The following XRRA1 variants were observed in gnomAD, a reference collection of about 807,000 sequenced individuals.
XRRA1 encodes X-ray radiation resistance associated 1, also known as X-ray radiation resistance-associated protein 1.
A neutral mutation model predicts 80.2 loss-of-function variants in XRRA1; 69 were observed. The observed-to-expected ratio is 0.86, with a 90% confidence interval of 0.71 to 1.05. The LOEUF (loss-of-function observed/expected upper bound fraction) is 1.05, where lower values mean the gene tolerates loss of function less well. XRRA1 is among the 50% of genes least tolerant of loss of function. XRRA1 has a pLI of 0.00. For synonymous variants in XRRA1, 348 were observed against 389.9 expected, an observed-to-expected ratio of 0.89 and a Z score of 1.27; for missense variants, 967 against 976.4, an observed-to-expected ratio of 0.99 and a Z score of 0.13.
At position 74,848,339 on chromosome 11, in the gene XRRA1, G is replaced by T. The variant is rs771635204; in HGVS notation, c.1504C>A (p.Pro502Thr). The change falls in exon 15 of 19, where the codon CCC (proline) becomes ACC (threonine). Residue 502 changes from proline to threonine, a missense_variant. Coordinates refer to ENST00000684022, the MANE Select transcript of XRRA1 (RefSeq NM_001378157.1). ...TCCACAGAAGTGCTTTTGGTAGTGG[G>T]CAGATCTTCAGCCAGCTCTGCCTCT... ...EPEAELAEDL[P>T]TTKSTSVESE... 9.9e-6 allele frequency: 16 copies of T among 1,613,734 alleles called. No homozygotes were observed. Among genetic ancestry groups the T allele is most frequent in the African/African-American group, 1.3e-5 (1 of 74,916 alleles).
chr11:74,930,973 T>C (rs1201826604), intron 5 of XRRA1, among the ~76,000 whole-genome samples: 1 of 151,954 alleles, frequency 6.6e-6, no homozygotes, highest in African/African-American at 2.4e-5. Context: ...ACTGGCTAAT[T>C]TTTTTGTATT....
chr11:74,844,963 G>A, intron 16 of XRRA1, 110 bp downstream of exon 16: 1 of 1,078,004 alleles, frequency 9.3e-7, no homozygotes, highest in African/African-American at 1.6e-5. Context: ...ACAGAGGACA[G>A]CACCCTAGTT....
In XRRA1 at chr11:74,937,020, G is replaced by A. The variant is rs200364213; in HGVS notation, c.143C>T (p.Pro48Leu). 1.2e-6 allele frequency: 2 copies of A among 1,613,796 alleles called. No individual in the cohort carries two copies. The highest frequency in any genetic ancestry group is 1.7e-6 in the Non-Finnish European group (2 of 1,179,864). The change falls in exon 4 of 19, where the codon CCC (proline) becomes CTC (leucine). Residue 48 changes from proline to leucine, a missense_variant. Coordinates refer to ENST00000684022, the MANE Select transcript of XRRA1 (RefSeq NM_001378157.1). ...VVQKGNLKKK[P>L]KGLVGAQAER... ...AGCTTGTGCTCCAACCAAACCCTTG[G>A]GCTTCTTCTTGAGGTTACCTTTCTG...
At position 74,843,262 on chromosome 11, in the gene XRRA1, G is replaced by A; in HGVS notation, c.2341C>T (p.His781Tyr). ...ALSESQPKFG[H>Y]FLEFMDEFCQ... The stretch of plus-strand genomic sequence containing the variant: ...AACTCATCCATGAACTCGAGGAAGT[G>A]GCCGAACTTGGGCTGGCTCTCACTC... The change falls in exon 19 of 19, where the codon CAC becomes TAC. Residue 781 changes from histidine to tyrosine, a missense_variant. His to Tyr is a moderately conservative substitution (Grantham distance 83, BLOSUM62 2). Coordinates refer to ENST00000684022, the MANE Select transcript of XRRA1 (RefSeq NM_001378157.1). 6.3e-7 allele frequency: 1 copy of A among 1,574,828 alleles called. No individual in the cohort carries two copies. The highest frequency in any genetic ancestry group is 8.6e-7 in the Non-Finnish European group (1 of 1,160,326).
At chr11:74,874,264 A>G (rs568560104) in intron 10 of XRRA1, among the ~76,000 whole-genome samples, 2 of 136,502 alleles carry the variant, frequency 1.5e-5, no homozygotes, top group African/African-American at 5.6e-5. Flanking sequence ...AAAAAAAAAG[A>G]AAGAAACTCA....
At chr11:74,899,641 A>G (rs2053161691) in intron 10 of XRRA1, among the ~76,000 whole-genome samples, 1 of 152,234 alleles carries the variant, frequency 6.6e-6, no homozygotes, top group South Asian at 2.1e-4. Flanking sequence ...ATGCCAATAA[A>G]TTGGAAAATC....
chr11:74,844,433 C>A, intron 16 of XRRA1, 150 bp from the exon 17 acceptor site: 1 of 628,894 alleles, frequency 1.6e-6, no homozygotes. Flanking sequence ...AGGTTTCTTC[C>A]GGATCTGTTC....
At chr11:74,947,566 C>T (rs1947843429) in intron 1 of XRRA1, among the ~76,000 whole-genome samples, 1 of 151,888 alleles carries the variant, frequency 6.6e-6, no homozygotes, top group Non-Finnish European at 1.5e-5. Flanking sequence ...TAAAAAGTGA[C>T]TAGGGCAATG....
At chr11:74,888,203 A>C (rs1184571006) in intron 10 of XRRA1, among the ~76,000 whole-genome samples, 1 of 151,826 alleles carries the variant, frequency 6.6e-6, no homozygotes, top group African/African-American at 2.4e-5. Flanking sequence ...TCACATGGCC[A>C]GGTACTCCTC....
intron 12 of XRRA1, among the ~76,000 whole-genome samples, chr11:74,855,422 A>G (rs992152784): frequency 5.9e-5 from 9 of 152,230 alleles, no homozygotes; most frequent in African/African-American, 2.2e-4. Context: ...AATGATACTC[A>G]GGTCATGTGT....
Position 74,843,221 on chromosome 11 carries a change from T to C in XRRA1, c.2382A>G (p.Thr794=). 6.4e-7 allele frequency: 1 copy of C among 1,558,586 alleles called. No individual in the cohort carries two copies. The stretch of plus-strand genomic sequence containing the variant: ...AGCTCTAGCCTTGTGAGTCACTGGC[T>C]GTGGGCTCCTGGCAGAACTCATCCA... ...EFMDEFCQEP[T]ASDSQG is the part of the protein sequence containing the mutation. The change falls in exon 19 of 19, where the codon ACA becomes ACG. Residue 794 remains threonine (T), a synonymous_variant. Transcript: ENST00000684022.
At chr11:74,913,613 G>A (rs1180089177) in intron 8 of XRRA1, 2 of 152,134 alleles carry the variant, frequency 1.3e-5, no homozygotes, top group Non-Finnish European at 2.9e-5. Context: ...GCTTTCACCT[G>A]ACAGGGACAA....
chr11:74,940,680 C>T, intron 3 of XRRA1, 105 bp downstream of exon 3: 3 of 900,048 alleles, frequency 3.3e-6, no homozygotes, highest in Non-Finnish European at 5.3e-6. Flanking sequence ...TTAGGTAGAG[C>T]AGGGAACAGT....
At chr11:74,862,211 C>G (rs2042448004) in intron 11 of XRRA1, among the ~76,000 whole-genome samples, 1 of 152,300 alleles carries the variant, frequency 6.6e-6, no homozygotes, top group Non-Finnish European at 1.5e-5. Flanking sequence ...CTGCAGCTAC[C>G]CTGCCAGCTA....
At chr11:74,946,106 C>T (rs1292463888) in intron 1 of XRRA1, among the ~76,000 whole-genome samples, 3 of 152,052 alleles carry the variant, frequency 2.0e-5, no homozygotes, top group Admixed American at 1.3e-4. Context: ...GGACCACAGA[C>T]GTGTGCTACC....
intron 10 of XRRA1, among the ~76,000 whole-genome samples, chr11:74,902,550 T>C (rs934929022): frequency 5.9e-5 from 9 of 152,206 alleles, no homozygotes; most frequent in African/African-American, 2.2e-4. Flanking sequence ...ATAAAGAAAA[T>C]GTGGTACATA....
chr11:74,850,274 A>C (rs2039440036), intron 14 of XRRA1, among the ~76,000 whole-genome samples: 1 of 152,176 alleles, frequency 6.6e-6, no homozygotes, highest in South Asian at 2.1e-4. Flanking sequence ...GGCTCTGTAA[A>C]GGAGAGAGGA....
intron 7 of XRRA1, among the ~76,000 whole-genome samples, chr11:74,923,400 C>G (rs1457119149): frequency 6.6e-6 from 1 of 152,072 alleles, no homozygotes; most frequent in African/African-American, 2.4e-5. Flanking sequence ...TTGGCTGGAG[C>G]AAACAGAGAA....
intron 11 of XRRA1, 58 bp downstream of exon 11, chr11:74,862,923 G>T: frequency 7.3e-7 from 1 of 1,370,932 alleles, no homozygotes; most frequent in Non-Finnish European, 1.0e-6. Context: ...ATTTGATTTT[G>T]TCTATTAAAA....
Sources: gnomAD v4.1 joint callset for allele counts (sites outside exome capture counted in the v4.1 genomes callset) on GRCh38, gnomAD v4.1.1 for gene constraint, MANE v1.5 for transcripts, NCBI Gene and HGNC (gene_info 2026-07-23, HGNC 2026-07-21) for gene names.